PRELID2: variants seen among roughly 807,000 people sequenced by gnomAD.
PRELID2 encodes PRELI domain containing 2, also known as PRELI domain-containing protein 2.
Under a neutral mutation model 28.4 loss-of-function variants are expected in PRELID2, and 25 were observed. The observed-to-expected ratio is 0.88, with a 90% CI of 0.64 to 1.23. PRELID2 has a LOEUF of 1.23. Among genes scored for constraint, PRELID2 ranks in the 50% most tolerant of loss-of-function variants. The probability of loss-of-function intolerance (pLI) is 0.00; values close to 1 mark genes in which losing one functional copy is unlikely to be tolerated. For missense variants in PRELID2, 201 were observed against 214.4 expected, an observed-to-expected ratio of 0.94 and a Z score of 0.39; for synonymous variants, 76 against 71.6, an observed-to-expected ratio of 1.06 and a Z score of -0.31.
At chr5:145,807,542 G>A (rs761014217) in intron 4 of PRELID2, among the ~76,000 whole-genome samples, 2 of 151,784 alleles carry the variant, frequency 1.3e-5, no homozygotes, top group Non-Finnish European at 2.9e-5. Flanking sequence ...CCTTTTCCCA[G>A]AGTCAAAGAG....
At chr5:145,558,722 G>A (rs1752901503) in intron 1 of PRELID2, among the ~76,000 whole-genome samples, 3 of 152,158 alleles carry the variant, frequency 2.0e-5, no homozygotes. Flanking sequence ...AAGAGTCTGA[G>A]GATTTTGAGG....
the PRELID2 span, among the ~76,000 whole-genome samples, chr5:145,445,117 C>T: frequency 1.2e-4 from 19 of 152,136 alleles, no homozygotes; most frequent in South Asian, 2.1e-3. Context: ...ATCACACTAC[C>T]GGCCTTCAAA....
chr5:145,449,298 G>A, the PRELID2 span, among the ~76,000 whole-genome samples: 8 of 152,076 alleles, frequency 5.3e-5, no homozygotes, highest in African/African-American at 1.9e-4. Flanking sequence ...GTGAATGAGG[G>A]GGTTTTATTG....
At chr5:145,803,759 T>C (rs1192200401) in intron 4 of PRELID2, among the ~76,000 whole-genome samples, 1 of 143,828 alleles carries the variant, frequency 7.0e-6, no homozygotes, top group Non-Finnish European at 1.5e-5. Context: ...AAAAGCACAG[T>C]GGCTGAGAAG....
the PRELID2 span, among the ~76,000 whole-genome samples, chr5:145,290,821 T>C: frequency 6.6e-6 from 1 of 151,418 alleles, no homozygotes; most frequent in Middle Eastern, 3.4e-3. Flanking sequence ...TTTTGTAATT[T>C]TTTTTTTTTC....
the PRELID2 span, among the ~76,000 whole-genome samples, chr5:145,284,182 G>C: frequency 6.6e-6 from 1 of 152,132 alleles, no homozygotes; most frequent in Non-Finnish European, 1.5e-5. Flanking sequence ...CACATTGTCT[G>C]ACACATAGTA....
chr5:145,572,076 C>A (rs956487102), intron 1 of PRELID2, among the ~76,000 whole-genome samples: 24 of 152,166 alleles, frequency 1.6e-4, no homozygotes, highest in Admixed American at 1.5e-3. Flanking sequence ...ATAATAAGAA[C>A]CTTGGTCTCC....
chr5:145,452,770 G>C, the PRELID2 span, among the ~76,000 whole-genome samples: 20 of 152,128 alleles, frequency 1.3e-4, no homozygotes, highest in Admixed American at 1.2e-3. Flanking sequence ...AGAAGGAAAG[G>C]GGGAGTCAGA....
At chr5:145,739,714 G>A (rs1756597305) in intron 1 of PRELID2, among the ~76,000 whole-genome samples, 1 of 151,954 alleles carries the variant, frequency 6.6e-6, no homozygotes, top group South Asian at 2.1e-4. Context: ...GGGTAGTAAT[G>A]CAAAGGGAGG....
At chr5:145,237,661 G>C in the PRELID2 span, among the ~76,000 whole-genome samples, 1 of 151,990 alleles carries the variant, frequency 6.6e-6, no homozygotes, top group African/African-American at 2.4e-5. Context: ...CATCTTTCCT[G>C]GTTCCTTCTA....
the PRELID2 span, among the ~76,000 whole-genome samples, chr5:145,265,733 G>A: frequency 4.6e-5 from 7 of 152,150 alleles, no homozygotes; most frequent in African/African-American, 1.4e-4. Flanking sequence ...TTCAACAAAT[G>A]GTGCTGGGAT....
At chr5:145,231,216 T>G in the PRELID2 span, among the ~76,000 whole-genome samples, 1 of 149,826 alleles carries the variant, frequency 6.7e-6, no homozygotes, top group East Asian at 1.9e-4. Flanking sequence ...GATCCACTCT[T>G]TTTTTTTTTA....
intron 1 of PRELID2, among the ~76,000 whole-genome samples, chr5:145,653,941 A>G (rs969296279): frequency 6.6e-6 from 1 of 152,214 alleles, no homozygotes; most frequent in African/African-American, 2.4e-5. Flanking sequence ...AACCCTTCAA[A>G]AAATCACTGA....
At chr5:145,484,181 T>C (rs1423149800) in intron 1 of PRELID2, among the ~76,000 whole-genome samples, 1 of 152,224 alleles carries the variant, frequency 6.6e-6, no homozygotes, top group Non-Finnish European at 1.5e-5. Context: ...CAATAAAATA[T>C]TTCACTGAAG....
the PRELID2 span, among the ~76,000 whole-genome samples, chr5:145,235,338 G>T: frequency 6.6e-6 from 1 of 152,084 alleles, no homozygotes; most frequent in Non-Finnish European, 1.5e-5. Flanking sequence ...AGTTGTTGGA[G>T]AATTATATAG....
the PRELID2 span, among the ~76,000 whole-genome samples, chr5:145,277,059 TG>T: frequency 2.0e-5 from 3 of 152,004 alleles, no homozygotes; most frequent in African/African-American, 7.2e-5. Flanking sequence ...GAAAAATCCC[TG>T]AAGACTGTGG....
At chr5:145,401,918 T>C in the PRELID2 span, among the ~76,000 whole-genome samples, 1 of 152,152 alleles carries the variant, frequency 6.6e-6, no homozygotes, top group South Asian at 2.1e-4. Context: ...GTAACTACTA[T>C]CAGTTGTATG....
chr5:145,456,453 T>A, the PRELID2 span, among the ~76,000 whole-genome samples: 2 of 152,140 alleles, frequency 1.3e-5, no homozygotes, highest in African/African-American at 4.8e-5. Flanking sequence ...TGCCTTCTCA[T>A]CCTTTAGCTT....
At chr5:145,431,006 GTTT>G in the PRELID2 span, among the ~76,000 whole-genome samples, 55 of 55,552 alleles carry the variant, frequency 9.9e-4, no homozygotes, top group African/African-American at 2.6e-3. Context: ...CCTGGCAATG[GTTT>G]TTTTTTTTTT....
Sources: gnomAD v4.1 joint callset for allele counts (sites outside exome capture counted in the v4.1 genomes callset) on GRCh38, gnomAD v4.1.1 for gene constraint, MANE v1.5 for transcripts, NCBI Gene and HGNC (gene_info 2026-07-23, HGNC 2026-07-21) for gene names.